The following UPB1 variants were observed in gnomAD, a reference collection of about 807,000 sequenced individuals.
The protein encoded by UPB1 is beta-ureidopropionase 1.
UPB1 carries 40 observed loss-of-function variants against 49.1 expected under a neutral mutation model. The ratio of observed to expected loss-of-function variants is 0.81; its 90% confidence interval spans 0.63 to 1.06. The LOEUF is 1.06. UPB1 is among the 50% of genes least tolerant of loss of function. The pLI, the probability that UPB1 is intolerant of heterozygous loss-of-function variation, is 0.00. For synonymous variants in UPB1, 207 were observed against 198.2 expected (o/e 1.04, Z -0.38); for missense variants, 499 against 505.9 (o/e 0.99, Z 0.13).
chr22:24,508,208 G>A (rs903652530), intron 3 of UPB1, among the ~76,000 whole-genome samples: 1 of 152,178 alleles, frequency 6.6e-6, no homozygotes, highest in African/African-American at 2.4e-5. Flanking sequence ...TTAGTTCAAA[G>A]TAGCTGGAAC....
At chr22:24,514,807 G>C (rs965060687) in intron 5 of UPB1, among the ~76,000 whole-genome samples, 1 of 152,122 alleles carries the variant, frequency 6.6e-6, no homozygotes, top group African/African-American at 2.4e-5. Flanking sequence ...CCAGGTCTCC[G>C]GGCTCCACCG....
chr22:24,517,417 C>T (rs2044315976), intron 6 of UPB1, among the ~76,000 whole-genome samples: 1 of 152,236 alleles, frequency 6.6e-6, no homozygotes, highest in Admixed American at 6.5e-5. Context: ...GCAGCCCCCT[C>T]TGCTGGCTCT....
In UPB1 at chr22:24,511,615, T is replaced by TAC. The variant is rs2044204813; in HGVS notation, c.459+773_459+774insCA. Among the ~76,000 whole-genome samples, 4 of 65,612 alleles carry TAC rather than the reference T, an allele frequency of 6.1e-5. No individual in the cohort carries two copies. The South Asian group carries it at 1.6e-3, about 26-fold the overall frequency. 43.0% of individuals were successfully genotyped at this position (65,612 alleles called of 152,430 possible). On this transcript the variant is annotated intron_variant, in intron 4 of 9. Coordinates refer to ENST00000326010, the MANE Select transcript of UPB1 (RefSeq NM_016327.3). Reference sequence around the variant, plus strand: ...TCTGTGAATTATATATATATATATATATATTTTTTTTTTTTTGAGATGGAG... The same window carrying TAC: ...TCTGTGAATTATATATATATATATATACATATTTTTTTTTTTTTGAGATGGAG...
At chr22:24,507,828 G>T (rs945002028) in intron 3 of UPB1, among the ~76,000 whole-genome samples, 4 of 152,160 alleles carry the variant, frequency 2.6e-5, no homozygotes, top group African/African-American at 9.6e-5. Flanking sequence ...CATCATGGCA[G>T]CTCACGTTTG....
intron 3 of UPB1, 185 bp downstream of exon 3, chr22:24,502,398 G>C (rs904344308): frequency 5.0e-6 from 4 of 793,212 alleles, no homozygotes; most frequent in Admixed American, 3.4e-5. Context: ...GCTGTTGTCT[G>C]ATTCCTTCAG....
intron 6 of UPB1, among the ~76,000 whole-genome samples, chr22:24,519,329 C>T (rs969077392): frequency 1.3e-5 from 2 of 152,080 alleles, no homozygotes; most frequent in South Asian, 2.1e-4. Flanking sequence ...AGGAAGATTC[C>T]GGGGCATTTT....
chr22:24,516,846 T>C (rs2044303468), intron 6 of UPB1: 1 of 152,260 alleles, frequency 6.6e-6, no homozygotes, highest in Non-Finnish European at 1.5e-5. Flanking sequence ...TGCCTCAGCC[T>C]CCCAAGTAGC....
chr22:24,501,882 A>G (rs2043999451), intron 2 of UPB1, among the ~76,000 whole-genome samples: 1 of 152,156 alleles, frequency 6.6e-6, no homozygotes, highest in Non-Finnish European at 1.5e-5. Context: ...GTCAGGTGGC[A>G]GCCTCCCCAT....
Position 24,495,440 on chromosome 22 carries a change from T to C in UPB1, c.37T>C (p.Leu13=), listed in dbSNP as rs747375499. ...TGAGTGGAAGTCGCTGGAGGAATGC[T>C]TGGAGAAGCACCTGCCGCTCCCCGA... ...GAEWKSLEEC[L]EKHLPLPDLQ... is the part of the protein sequence containing the mutation. The change falls in exon 1 of 10, where the codon TTG becomes CTG. Residue 13 remains leucine, a synonymous_variant. Coordinates refer to ENST00000326010, the MANE Select transcript of UPB1 (RefSeq NM_016327.3). 1 of 1,613,620 alleles carries C rather than the reference T, an allele frequency of 6.2e-7. No individual in the cohort carries two copies. Among genetic ancestry groups the C allele is most frequent in the Non-Finnish European group, 8.5e-7 (1 of 1,180,026 alleles).
At chr22:24,495,599 G>T in intron 1 of UPB1, 92 bp downstream of exon 1, 2 of 1,396,780 alleles carry the variant, frequency 1.4e-6, no homozygotes, top group Non-Finnish European at 2.0e-6. Context: ...GGTCTGAAGG[G>T]CTCAGGGGAG....
rs766018740 is a variant in UPB1, at chr22:24,525,799, C to T, written c.*5C>T. Reference sequence around the variant, plus strand: ...CCCACCATCGTGAAAGAGTAGCCGGCTTCAGTGCCTGCCTTGGGGTGAGGA... The same window carrying T: ...CCCACCATCGTGAAAGAGTAGCCGGTTTCAGTGCCTGCCTTGGGGTGAGGA... On this transcript the variant is annotated 3_prime_UTR_variant, in exon 10 of 10. Transcript: ENST00000326010. The T allele has an allele frequency of 2.5e-6, 4 of 1,614,214 alleles. No individual in the cohort carries two copies. The South Asian group carries it at 3.3e-5, about 13-fold the overall frequency.
chr22:24,510,327 C>T lies in UPB1; in HGVS notation c.365-422C>T, dbSNP rs146183852. On this transcript the variant is annotated intron_variant, in intron 3 of 9. Coordinates refer to ENST00000326010, the MANE Select transcript of UPB1 (RefSeq NM_016327.3). ...GTGTCTTAGCATATTCTTAAAGGTT[C>T]ATCCATGTAAGCATGCATCAGAATT... 3.7e-4 allele frequency among the ~76,000 whole-genome samples: 56 copies of T among 152,058 alleles called. No individual in the cohort carries two copies. The East Asian group carries it at 8.7e-3, about 24-fold the overall frequency.
chr22:24,522,836 CAGG>C (rs1181327558), intron 8 of UPB1, among the ~76,000 whole-genome samples: 2 of 150,206 alleles, frequency 1.3e-5, no homozygotes, highest in Non-Finnish European at 3.0e-5. Flanking sequence ...CCCAGCTACT[CAGG>C]AGGCTGAGGC....
intron 7 of UPB1, 31 bp downstream of exon 7, chr22:24,520,499 GC>G: frequency 6.2e-7 from 1 of 1,610,234 alleles, no homozygotes; most frequent in South Asian, 1.1e-5. Context: ...GGGGAGAGGA[GC>G]CACCACCTGG....
chr22:24,509,360 T>TGAAA (rs2044150175), intron 3 of UPB1, among the ~76,000 whole-genome samples: 2 of 76,988 alleles, frequency 2.6e-5, no homozygotes, highest in Non-Finnish European at 4.8e-5. Context: ...ACCTACTGTT[T>TGAAA]GAAAAAAAAA....
chr22:24,501,261 A>G (rs1266249842), intron 2 of UPB1, among the ~76,000 whole-genome samples: 1 of 152,096 alleles, frequency 6.6e-6, no homozygotes, highest in Non-Finnish European at 1.5e-5. Flanking sequence ...CTCTCAAAGG[A>G]GGAGACTATA....
chr22:24,502,531 T>C, intron 3 of UPB1: 1 of 779,808 alleles, frequency 1.3e-6, no homozygotes, highest in East Asian at 2.4e-5. Flanking sequence ...TGTGCCCTCC[T>C]GACCAGGACT....
intron 6 of UPB1, among the ~76,000 whole-genome samples, chr22:24,519,264 A>G (rs1228176046): frequency 6.6e-6 from 1 of 152,074 alleles, no homozygotes; most frequent in Non-Finnish European, 1.5e-5. Flanking sequence ...GCTTATGACA[A>G]GCACCCACCC....
chr22:24,496,461 G>C (rs771783991), intron 1 of UPB1, among the ~76,000 whole-genome samples: 2 of 151,518 alleles, frequency 1.3e-5, no homozygotes, highest in Admixed American at 6.6e-5. Context: ...GATAATCCCG[G>C]ATGATCTTAT....
Sources: allele counts gnomAD v4.1 joint callset (sites outside exome capture counted in the v4.1 genomes callset), GRCh38; gene constraint gnomAD v4.1.1; transcripts MANE v1.5; gene names NCBI Gene and HGNC (gene_info 2026-07-23, HGNC 2026-07-21).